ABCB1: variants seen among roughly 807,000 people sequenced by gnomAD.
ABCB1 encodes the protein ATP binding cassette subfamily B member 1.
ABCB1 carries 69 observed loss-of-function variants against 142.0 expected under a neutral mutation model. The ratio of observed to expected loss-of-function variants is 0.49; its 90% CI spans 0.40 to 0.59. ABCB1 has a LOEUF of 0.59. ABCB1 is among the 20% of genes least tolerant of loss of function. ABCB1 has a pLI of 0.00. For missense variants in ABCB1, 1,326 were observed against 1,554.7 expected, an observed-to-expected ratio of 0.85 and a Z score of 2.47; for synonymous variants, 532 against 539.2, an observed-to-expected ratio of 0.99 and a Z score of 0.18.
intron 25 of ABCB1, among the ~76,000 whole-genome samples, chr7:87,513,818 A>G (rs1318034458): frequency 1.3e-5 from 2 of 152,222 alleles, no homozygotes; most frequent in South Asian, 2.1e-4. Flanking sequence ...ATCATGCCCT[A>G]CAATTCATTA....
chr7:87,569,519 T>C (rs1263494561), intron 5 of ABCB1, among the ~76,000 whole-genome samples: 1 of 152,150 alleles, frequency 6.6e-6, no homozygotes, highest in Non-Finnish European at 1.5e-5. Context: ...GAGTTAAGAA[T>C]AGAGAGACTG....
chr7:87,618,017 T>C lies in ABCB1; in HGVS notation c.-330-16939A>G, dbSNP rs556808846. Among the ~76,000 whole-genome samples the C allele has an allele frequency of 6.9e-4, 105 of 152,314 alleles. 2 individuals are homozygous for C. The highest frequency in any genetic ancestry group is 6.9e-3 in the Admixed American group (105 of 15,294). ...ACTCTTCCTCTGCCTGGATAGTTTC[T>C]CCTACCTCGAGCTGCTTTACCTAGT... On this transcript the variant is annotated intron_variant, in intron 1 of 28. Coordinates refer to the ABCB1 transcript ENST00000265724.
rs1041933008 is a variant in ABCB1, at chr7:87,676,088, G to A, written c.-331+37073C>T. Among the ~76,000 whole-genome samples the A allele has an allele frequency of 3.9e-5, 6 of 151,982 alleles. No individual in the cohort carries two copies. In the East Asian group the frequency reaches 5.8e-4, roughly 15 times the overall value. ...CAAAAAGTTAAAAAATTAGCCAGAC[G>A]TGGTGGCATGCACTTGTAGTCCCAG... On this transcript the variant is annotated intron_variant, in intron 1 of 28. Coordinates refer to the ABCB1 transcript ENST00000265724.
rs140090462 is a variant in ABCB1 at position 87,688,643 on chromosome 7, G to A, written c.-331+24518C>T. Reference sequence around the variant, plus strand: ...ATTACTGTTGGTAGTTTGTTATTTTGTACTTATTTTTCATTTGAGACTTTA... The same window carrying A: ...ATTACTGTTGGTAGTTTGTTATTTTATACTTATTTTTCATTTGAGACTTTA... On this transcript the variant is annotated intron_variant, in intron 1 of 28. Transcript: ENST00000265724. 8.6e-3 allele frequency among the ~76,000 whole-genome samples: 1,299 copies of A among 151,646 alleles called. 14 individuals carry two copies. Among genetic ancestry groups the A allele is most frequent in the African/African-American group, 0.03 (1,242 of 41,432 alleles).
chr7:87,643,807 G>A (rs1163604012), intron 1 of ABCB1, among the ~76,000 whole-genome samples: 2 of 152,060 alleles, frequency 1.3e-5, no homozygotes, highest in Non-Finnish European at 2.9e-5. Context: ...GATTACAGGC[G>A]TGAGCCACCA....
At chr7:87,524,625 A>C (rs929630471) in intron 21 of ABCB1, among the ~76,000 whole-genome samples, 1 of 152,084 alleles carries the variant, frequency 6.6e-6, no homozygotes, top group African/African-American at 2.4e-5. Context: ...TAGGAGATAT[A>C]CCTAATGTTA....
At chr7:87,590,392 AAC>A (rs1413110887) in intron 3 of ABCB1, among the ~76,000 whole-genome samples, 1 of 152,210 alleles carries the variant, frequency 6.6e-6, no homozygotes, top group Admixed American at 6.5e-5. Flanking sequence ...AGAGAAGACA[AAC>A]ACATAAAAAA....
At chr7:87,691,716 A>C (rs1356441954) in intron 1 of ABCB1, among the ~76,000 whole-genome samples, 1 of 152,102 alleles carries the variant, frequency 6.6e-6, no homozygotes, top group Non-Finnish European at 1.5e-5. Flanking sequence ...ATGTTTCACT[A>C]CCTCATGTTT....
At chr7:87,708,175 C>G (rs1829772919) in intron 1 of ABCB1, among the ~76,000 whole-genome samples, 2 of 151,788 alleles carry the variant, frequency 1.3e-5, no homozygotes, top group African/African-American at 4.8e-5. Flanking sequence ...AAAATTGAAA[C>G]AAATATATAA....
intron 1 of ABCB1, among the ~76,000 whole-genome samples, chr7:87,706,231 G>T (rs1335361311): frequency 6.6e-6 from 1 of 152,088 alleles, no homozygotes; most frequent in East Asian, 1.9e-4. Flanking sequence ...TACAAGATAT[G>T]GCCATGATTA....
At chr7:87,690,013 A>C (rs1827866524) in intron 1 of ABCB1, among the ~76,000 whole-genome samples, 1 of 152,056 alleles carries the variant, frequency 6.6e-6, no homozygotes. Flanking sequence ...AATTTTTTAT[A>C]GAGACAGAGT....
At chr7:87,617,348 ATG>A (rs1820064264) in intron 1 of ABCB1, among the ~76,000 whole-genome samples, 1 of 152,216 alleles carries the variant, frequency 6.6e-6, no homozygotes, top group Admixed American at 6.5e-5. Context: ...AACTTTGGTA[ATG>A]TGTATGTCAA....
At chr7:87,626,312 G>GTCA (rs1820521959) in intron 1 of ABCB1, among the ~76,000 whole-genome samples, 1 of 7,322 alleles carries the variant, frequency 1.4e-4, no homozygotes, top group Non-Finnish European at 2.0e-4. Context: ...TATATGTGTC[G>GTCA]TATATGTGTC....
intron 1 of ABCB1, among the ~76,000 whole-genome samples, chr7:87,673,075 G>T (rs1477837876): frequency 6.6e-6 from 1 of 152,200 alleles, no homozygotes; most frequent in Non-Finnish European, 1.5e-5. Flanking sequence ...GCTTTCTGCT[G>T]AAAGGTTTGC....
chr7:87,540,287 T>C (rs1457178133), intron 18 of ABCB1, among the ~76,000 whole-genome samples: 1 of 152,148 alleles, frequency 6.6e-6, no homozygotes, highest in African/African-American at 2.4e-5. Context: ...CTTTTAATCA[T>C]CAAGAGGCAG....
At chr7:87,521,046 T>C (rs1005891024) in intron 21 of ABCB1, 170 bp from the exon 22 acceptor site, 2 of 620,730 alleles carry the variant, frequency 3.2e-6, no homozygotes, top group African/African-American at 3.7e-5. Flanking sequence ...AACTGAGTTA[T>C]GGATCTGGAA....
At chr7:87,687,356 C>T (rs753296158) in intron 1 of ABCB1, among the ~76,000 whole-genome samples, 1 of 152,224 alleles carries the variant, frequency 6.6e-6, no homozygotes. Context: ...AAAACTACTC[C>T]ATGAGGTTTA....
chr7:87,626,110 ATGTGTCATATATATT>A (rs1820452092), intron 1 of ABCB1, among the ~76,000 whole-genome samples: 1 of 128,338 alleles, frequency 7.8e-6, no homozygotes, highest in South Asian at 2.5e-4. Flanking sequence ...TGTCATATAT[ATGTGTCATATATATT>A]GTCATATATA....
At chr7:87,627,869 T>C (rs1009843735) in intron 1 of ABCB1, 1 of 151,934 alleles carries the variant, frequency 6.6e-6, no homozygotes, top group African/African-American at 2.4e-5. Context: ...GGGAGCGACA[T>C]GGTGTGGAGG....
Sources: gnomAD v4.1 joint callset for allele counts (sites outside exome capture counted in the v4.1 genomes callset) on GRCh38, gnomAD v4.1.1 for gene constraint, MANE v1.5 for transcripts, NCBI Gene and HGNC (gene_info 2026-07-23, HGNC 2026-07-21) for gene names.